The following ATP8A2 variants were observed in gnomAD, a reference collection of about 807,000 sequenced individuals.
ATP8A2 encodes the protein phospholipid-transporting ATPase IB.
ATP8A2 carries 100 observed loss-of-function variants against 165.6 expected under a neutral mutation model. That is an observed-to-expected ratio of 0.60 (90% confidence interval 0.51 to 0.71). The LOEUF (loss-of-function observed/expected upper bound fraction) is 0.71. Ranked by LOEUF, ATP8A2 falls within the 30% of genes least tolerant of loss-of-function variation. The probability of loss-of-function intolerance (pLI) is 0.00; values close to 1 mark genes in which losing one functional copy is unlikely to be tolerated. For synonymous variants in ATP8A2, 543 were observed against 548.8 expected, an observed-to-expected ratio of 0.99 and a Z score of 0.15; for missense variants, 1,227 against 1,479.5, an observed-to-expected ratio of 0.83 and a Z score of 2.80.
At chr13:25,662,662 A>G (rs1432710774) in intron 24 of ATP8A2, among the ~76,000 whole-genome samples, 2 of 152,184 alleles carry the variant, frequency 1.3e-5, no homozygotes, top group African/African-American at 4.8e-5. Context: ...GCCTAAAATG[A>G]ATTAGTGAGT....
intron 24 of ATP8A2, among the ~76,000 whole-genome samples, chr13:25,692,534 G>C (rs2042747670): frequency 6.6e-6 from 1 of 152,188 alleles, no homozygotes. Flanking sequence ...GGTTCTAGAA[G>C]TTTTCATCTC....
intron 1 of ATP8A2, among the ~76,000 whole-genome samples, chr13:25,465,738 TCCCTCCCTCCCTCTCTCTCTC>T (rs1566153612): frequency 3.1e-3 from 54 of 17,270 alleles, no homozygotes; most frequent in African/African-American, 5.1e-3. Context: ...TTTCTTTCTT[TCCCTCCCTCCCTCTCTCTCTC>T]TCTTTCTCTC....
chr13:25,933,068 A>C (rs992592350), intron 33 of ATP8A2, among the ~76,000 whole-genome samples: 3 of 152,186 alleles, frequency 2.0e-5, no homozygotes, highest in African/African-American at 7.2e-5. Flanking sequence ...GGCTGGTCTC[A>C]AACTCCTGAT....
At chr13:25,992,675 T>A (rs1162546749) in intron 35 of ATP8A2, among the ~76,000 whole-genome samples, 1 of 99,892 alleles carries the variant, frequency 1.0e-5, no homozygotes, top group Non-Finnish European at 2.8e-5. Flanking sequence ...AAAAGTTGTA[T>A]AGTTTTTTTT....
intron 24 of ATP8A2, among the ~76,000 whole-genome samples, chr13:25,641,807 G>A (rs2041530063): frequency 6.6e-6 from 1 of 150,718 alleles, no homozygotes; most frequent in South Asian, 2.1e-4. Context: ...TCAATCCTAA[G>A]CCAAAAGAAC....
At chr13:25,829,027 A>G (rs1358182662) in intron 28 of ATP8A2, among the ~76,000 whole-genome samples, 1 of 152,076 alleles carries the variant, frequency 6.6e-6, no homozygotes, top group Non-Finnish European at 1.5e-5. Context: ...CAATAATAAA[A>G]CCTATGGTGC....
chr13:25,418,126 A>G lies in ATP8A2; in HGVS notation c.76+45838A>G, dbSNP rs2034187197. On this transcript the variant is annotated intron_variant, in intron 1 of 36. Transcript: ENST00000381655. ...CTTCAGGAAGCCCATTAATTCTCCC[A>G]TTAGCAATTAGGGAACCAAGGTCTC... Among the ~76,000 whole-genome samples the G allele has an allele frequency of 1.3e-5, 2 of 152,112 alleles. 1 individual carries two copies. The highest frequency in any genetic ancestry group is 4.1e-4 in the South Asian group (2 of 4,834).
intron 24 of ATP8A2, among the ~76,000 whole-genome samples, chr13:25,611,682 C>G (rs1053338559): frequency 6.6e-6 from 1 of 151,900 alleles, no homozygotes; most frequent in Non-Finnish European, 1.5e-5. Flanking sequence ...GGAGGGTTCT[C>G]TATCTTGTGG....
intron 33 of ATP8A2, among the ~76,000 whole-genome samples, chr13:25,919,930 A>G (rs1954397986): frequency 6.6e-6 from 1 of 151,808 alleles, no homozygotes; most frequent in South Asian, 2.1e-4. Context: ...GGGACCACAG[A>G]CATGTACTAC....
At chr13:26,014,213 G>T (rs1956913280) in intron 36 of ATP8A2, among the ~76,000 whole-genome samples, 1 of 152,178 alleles carries the variant, frequency 6.6e-6, no homozygotes, top group Admixed American at 6.5e-5. Context: ...CATCTGTAAA[G>T]TTGGGTAATA....
At chr13:25,408,100 T>TAA (rs57083418) in intron 1 of ATP8A2, among the ~76,000 whole-genome samples, 33,014 of 150,462 alleles carry the variant, frequency 0.22, 4,096 homozygotes, top group East Asian at 0.45. Context: ...TATTTGACAT[T>TAA]AAAAAAAAAT....
chr13:25,735,061 A>G (rs937179678), intron 25 of ATP8A2, among the ~76,000 whole-genome samples: 3 of 152,202 alleles, frequency 2.0e-5, no homozygotes, highest in Non-Finnish European at 4.4e-5. Context: ...TCTGTAGCAC[A>G]GTACCTAAAA....
intron 7 of ATP8A2, 97 bp from the exon 8 acceptor site, chr13:25,540,222 C>A: frequency 2.3e-6 from 2 of 867,664 alleles, no homozygotes; most frequent in South Asian, 1.4e-5. Flanking sequence ...TTTGAAGGGC[C>A]AATCAGCAGA....
intron 18 of ATP8A2, among the ~76,000 whole-genome samples, chr13:25,571,947 T>G (rs958670407): frequency 3.9e-5 from 6 of 152,216 alleles, no homozygotes; most frequent in Non-Finnish European, 7.3e-5. Context: ...GCAAAGAACT[T>G]CACGAATCTA....
chr13:25,688,054 C>G (rs906943809), intron 24 of ATP8A2, among the ~76,000 whole-genome samples: 1 of 152,060 alleles, frequency 6.6e-6, no homozygotes, highest in Admixed American at 6.5e-5. Context: ...ACTTTACAGG[C>G]CTGGGATACT....
chr13:25,699,977 G>A (rs1311578725), intron 25 of ATP8A2, among the ~76,000 whole-genome samples: 1 of 152,094 alleles, frequency 6.6e-6, no homozygotes, highest in Admixed American at 6.5e-5. Flanking sequence ...AAAGATGAGT[G>A]GTCACCAAAG....
At chr13:25,614,288 A>G (rs574345949) in intron 24 of ATP8A2, among the ~76,000 whole-genome samples, 28 of 152,092 alleles carry the variant, frequency 1.8e-4, no homozygotes, top group South Asian at 4.2e-4. Context: ...TCTTTTGTCT[A>G]CTTGTTCAAT....
At position 25,606,697 on chromosome 13, in the gene ATP8A2, A is replaced by G. The variant is rs563046285; in HGVS notation, c.2211+16998A>G. ...ATGATTGGTATACTTAAACACCCCC[A>G]GACACCCATCCACCCACACATTTTC... On this transcript the variant is annotated intron_variant, in intron 24 of 36. Transcript: ENST00000381655. 3.9e-5 allele frequency among the ~76,000 whole-genome samples: 6 copies of G among 152,318 alleles called. No homozygotes were observed. In the South Asian group the frequency reaches 1.2e-3, roughly 32 times the overall value.
At chr13:25,489,178 G>A (rs994984737) in intron 2 of ATP8A2, among the ~76,000 whole-genome samples, 3 of 152,002 alleles carry the variant, frequency 2.0e-5, no homozygotes, top group African/African-American at 7.3e-5. Context: ...CCTGTTGAGG[G>A]ACCATCGCTG....
Sources: allele counts gnomAD v4.1 joint callset (sites outside exome capture counted in the v4.1 genomes callset), GRCh38; gene constraint gnomAD v4.1.1; transcripts MANE v1.5; gene names NCBI Gene and HGNC (gene_info 2026-07-23, HGNC 2026-07-21).